The following PDE10A variants were observed in gnomAD, a reference collection of about 807,000 sequenced individuals.
The protein encoded by PDE10A is phosphodiesterase 10A, also known as cAMP and cAMP-inhibited cGMP 3',5'-cyclic phosphodiesterase 10A.
A neutral mutation model predicts 97.7 loss-of-function variants in PDE10A; 39 were observed. That is an observed-to-expected ratio of 0.40 (90% CI 0.31 to 0.52). The LOEUF is 0.52. Among genes scored for constraint, PDE10A ranks in the 20% least tolerant of loss-of-function variants. PDE10A has a pLI of 0.56. For synonymous variants in PDE10A, 371 were observed against 376.8 expected, an observed-to-expected ratio of 0.98 and a Z score of 0.18; for missense variants, 731 against 1,047.8, an observed-to-expected ratio of 0.70 and a Z score of 4.17.
chr6:165,808,769 G>C (rs1453736584), intron 1 of PDE10A, among the ~76,000 whole-genome samples: 2 of 152,152 alleles, frequency 1.3e-5, no homozygotes, highest in Non-Finnish European at 2.9e-5. Context: ...TTATTCTACG[G>C]CATATGCATG....
intron 13 of PDE10A, 23 bp from the exon 14 acceptor site, chr6:165,396,482 A>T: frequency 6.3e-7 from 1 of 1,579,288 alleles, no homozygotes; most frequent in Non-Finnish European, 8.6e-7. Context: ...TCCAAAAAAA[A>T]AACCCCCAAA....
intron 1 of PDE10A, among the ~76,000 whole-genome samples, chr6:165,549,919 T>G (rs940712690): frequency 6.6e-6 from 1 of 152,200 alleles, no homozygotes; most frequent in Admixed American, 6.5e-5. Context: ...TTGTAAGAAT[T>G]AGGAAAAAGC....
rs1381343291 is a variant in PDE10A, at chr6:165,331,765, A to G, written c.*1260T>C. 3 of 152,360 alleles carry G rather than the reference A, an allele frequency of 2.0e-5. No individual in the cohort carries two copies. Among genetic ancestry groups the G allele is most frequent in the Admixed American group, 2.0e-4 (3 of 15,306 alleles). The allele number at this position is 152,360 out of a possible 1,614,324, so 9.4% of individuals were successfully genotyped here. A position where few individuals can be genotyped will look rare whatever the true frequency, so the allele number is the denominator to read the frequency against. On this transcript the variant is annotated 3_prime_UTR_variant, in exon 22 of 22. Coordinates refer to ENST00000539869, the MANE Select transcript of PDE10A (RefSeq NM_001385079.1). ...GTATTTTTTAAAACACTTACATTGT[A>G]TAGTAATACTGGTCAACCAAAAAGG...
chr6:165,666,192 C>T (rs1387779994), upstream of PDE10A, among the ~76,000 whole-genome samples: 1 of 152,156 alleles, frequency 6.6e-6, no homozygotes, highest in Non-Finnish European at 1.5e-5. Flanking sequence ...AAATCTGTGT[C>T]TTAACTGATT....
Position 165,658,782 on chromosome 6 carries a change from T to A in PDE10A, c.865+3165A>T, listed in dbSNP as rs1180027735. 3.3e-5 allele frequency among the ~76,000 whole-genome samples: 5 copies of A among 152,270 alleles called. No individual in the cohort carries two copies. In the South Asian group the frequency reaches 8.3e-4, roughly 25 times the overall value. Reference sequence around the variant, plus strand: ...GCTCACAAGAAAGCATGAAGCTGGGTGCCTGAGGAGGAGGCCAGAGATCAG... The same window carrying A: ...GCTCACAAGAAAGCATGAAGCTGGGAGCCTGAGGAGGAGGCCAGAGATCAG... On this transcript the variant is annotated intron_variant, in intron 1 of 21. Coordinates refer to ENST00000539869, the MANE Select transcript of PDE10A (RefSeq NM_001385079.1).
At chr6:165,683,856 G>A (rs541112263) in intron 1 of PDE10A, among the ~76,000 whole-genome samples, 6 of 152,192 alleles carry the variant, frequency 3.9e-5, no homozygotes, top group South Asian at 4.2e-4. Flanking sequence ...ACCTCTCCAC[G>A]ACTTCCATGA....
Position 165,900,364 on chromosome 6 carries a change from C to T in PDE10A, c.-615+87165G>A, listed in dbSNP as rs1052790963. Reference sequence around the variant, plus strand: ...TCAGGTGCCAGTAATCCCAGCTACTCCAGAGGCTGAGGCAGGAGAATGGCT... The same window carrying T: ...TCAGGTGCCAGTAATCCCAGCTACTTCAGAGGCTGAGGCAGGAGAATGGCT... On this transcript the variant is annotated intron_variant, in intron 1 of 19. Coordinates refer to the PDE10A transcript ENST00000366882. Among the ~76,000 whole-genome samples the T allele has an allele frequency of 3.3e-5, 5 of 152,144 alleles. No homozygotes were observed. The East Asian group carries it at 9.7e-4, about 29-fold the overall frequency.
In PDE10A at chr6:165,944,670, A is replaced by T. The variant is rs150133567; in HGVS notation, c.-615+42859T>A. On this transcript the variant is annotated intron_variant, in intron 1 of 19. Coordinates refer to the PDE10A transcript ENST00000366882. ...GCCCTGCAGTTTTTAACGTAGAAAC[A>T]CATACATTACATTAGAGCAGAACTA... 6.0e-3 allele frequency among the ~76,000 whole-genome samples: 919 copies of T among 152,338 alleles called. 9 individuals are homozygous for T. Among genetic ancestry groups the T allele is most frequent in the African/African-American group, 0.02 (813 of 41,564 alleles).
intron 1 of PDE10A, among the ~76,000 whole-genome samples, chr6:165,852,940 C>A (rs967475391): frequency 1.3e-5 from 2 of 152,262 alleles, no homozygotes; most frequent in African/African-American, 2.4e-5. Flanking sequence ...CTGGTTTGTT[C>A]TCTGCACATT....
intron 17 of PDE10A, among the ~76,000 whole-genome samples, chr6:165,380,223 T>C (rs917370565): frequency 9.8e-5 from 15 of 152,362 alleles, no homozygotes; most frequent in East Asian, 3.9e-4. Context: ...GATTCATCAA[T>C]TATTTTGATA....
At chr6:165,979,289 C>A (rs1032701929) in intron 1 of PDE10A, among the ~76,000 whole-genome samples, 1 of 152,130 alleles carries the variant, frequency 6.6e-6, no homozygotes, top group South Asian at 2.1e-4. Context: ...GGGCTTTCTC[C>A]CCAGCTGGCC....
At chr6:165,978,348 C>G (rs1784909309) in intron 1 of PDE10A, among the ~76,000 whole-genome samples, 1 of 152,186 alleles carries the variant, frequency 6.6e-6, no homozygotes, top group South Asian at 2.1e-4. Flanking sequence ...TTTAGGCAGA[C>G]ATTTTGCCAT....
At chr6:165,810,761 C>T (rs939068320) in intron 1 of PDE10A, among the ~76,000 whole-genome samples, 8 of 152,260 alleles carry the variant, frequency 5.3e-5, no homozygotes. Flanking sequence ...CGTAAACCCC[C>T]ACCCCTTCCC....
intron 1 of PDE10A, among the ~76,000 whole-genome samples, chr6:165,575,075 T>TA (rs1785234606): frequency 6.6e-6 from 1 of 152,202 alleles, no homozygotes; most frequent in Non-Finnish European, 1.5e-5. Flanking sequence ...ACTGTTCATC[T>TA]AGTTTCTCTC....
chr6:165,514,997 T>C (rs1781710510), intron 2 of PDE10A, among the ~76,000 whole-genome samples: 1 of 152,236 alleles, frequency 6.6e-6, no homozygotes, highest in Non-Finnish European at 1.5e-5. Context: ...TCCAAACTAT[T>C]CATTTTTACT....
At chr6:165,625,692 G>A (rs1788349733) in intron 1 of PDE10A, among the ~76,000 whole-genome samples, 1 of 152,042 alleles carries the variant, frequency 6.6e-6, no homozygotes, top group Admixed American at 6.5e-5. Context: ...GTTTTATAAG[G>A]GGAAGTTTCC....
chr6:165,708,409 C>T (rs1381016850), intron 1 of PDE10A, among the ~76,000 whole-genome samples: 1 of 152,000 alleles, frequency 6.6e-6, no homozygotes, highest in Non-Finnish European at 1.5e-5. Flanking sequence ...CTTCCCAGGA[C>T]CCACATTTGC....
At chr6:165,985,721 G>A (rs1024544867) in intron 1 of PDE10A, among the ~76,000 whole-genome samples, 1 of 118,878 alleles carries the variant, frequency 8.4e-6, no homozygotes, top group African/African-American at 2.8e-5. Flanking sequence ...AGGCATTCAT[G>A]TAGGCTCTCC....
At chr6:165,584,805 C>T (rs1329507226) in intron 1 of PDE10A, among the ~76,000 whole-genome samples, 1 of 152,116 alleles carries the variant, frequency 6.6e-6, no homozygotes, top group African/African-American at 2.4e-5. Flanking sequence ...CCAGGCCCCT[C>T]AGGAATGAGG....
Sources: gnomAD v4.1 joint callset for allele counts (sites outside exome capture counted in the v4.1 genomes callset) on GRCh38, gnomAD v4.1.1 for gene constraint, MANE v1.5 for transcripts, NCBI Gene and HGNC (gene_info 2026-07-23, HGNC 2026-07-21) for gene names.